The following GRIP1 variants were observed in gnomAD, a reference collection of about 807,000 sequenced individuals.
GRIP1 encodes the protein glutamate receptor-interacting protein 1.
GRIP1 carries 45 observed loss-of-function variants against 129.9 expected under a neutral mutation model. The observed-to-expected ratio is 0.35, with a 90% confidence interval of 0.27 to 0.44. The LOEUF is 0.44. GRIP1 is among the 20% of genes least tolerant of loss of function. The probability of loss-of-function intolerance (pLI) is 1.00; values close to 1 mark genes in which losing one functional copy is unlikely to be tolerated. For synonymous variants in GRIP1, 530 were observed against 520.8 expected (o/e 1.02, Z -0.24); for missense variants, 1,196 against 1,396.8 (o/e 0.86, Z 2.29).
rs745448664 is a variant in GRIP1 at position 66,392,855 on chromosome 12, C to T, written c.2130-39G>A. ...TAGTAATAGGAGAGGTAGAAATAATCCCTGTATGGTACTGAATATAAATTC... is the reference window on the plus strand; with the variant it reads ...TAGTAATAGGAGAGGTAGAAATAATTCCTGTATGGTACTGAATATAAATTC... On this transcript the variant is annotated intron_variant, in intron 17 of 24. Transcript: ENST00000359742. The T allele has an allele frequency of 8.2e-6, 13 of 1,589,278 alleles. No individual in the cohort carries two copies. In the South Asian group the frequency reaches 1.4e-4, roughly 18 times the overall value.
At chr12:66,577,057 A>G (rs1565878180) in intron 2 of GRIP1, among the ~76,000 whole-genome samples, 1 of 152,178 alleles carries the variant, frequency 6.6e-6, no homozygotes, top group South Asian at 2.1e-4. Context: ...GCTCCATGCT[A>G]AAGACCATTG....
intron 1 of GRIP1, among the ~76,000 whole-genome samples, chr12:66,739,696 T>C (rs2036725298): frequency 6.6e-6 from 1 of 151,444 alleles, no homozygotes; most frequent in African/African-American, 2.4e-5. Context: ...CACATTTACC[T>C]ATGAAACAAA....
chr12:66,867,393 A>C (rs1327585072), intron 1 of GRIP1, among the ~76,000 whole-genome samples: 1 of 152,172 alleles, frequency 6.6e-6, no homozygotes, highest in African/African-American at 2.4e-5. Context: ...AAACTTTAAA[A>C]ATTAGCATCA....
intron 1 of GRIP1, among the ~76,000 whole-genome samples, chr12:66,909,018 C>T (rs1403215265): frequency 6.6e-6 from 1 of 152,216 alleles, no homozygotes; most frequent in African/African-American, 2.4e-5. Context: ...CTTTTCAGCA[C>T]ATTCCTCAAT....
intron 1 of GRIP1, among the ~76,000 whole-genome samples, chr12:66,899,716 T>C (rs2040814078): frequency 2.0e-5 from 3 of 152,194 alleles, no homozygotes; most frequent in African/African-American, 7.2e-5. Context: ...GGGTAGATAC[T>C]AGACTTCAAT....
rs535375576 is a variant in GRIP1, at chr12:66,463,438, G to GT, written c.873-346dup. Among the ~76,000 whole-genome samples the GT allele has an allele frequency of 1.7e-3, 259 of 152,224 alleles. 2 individuals carry two copies. Among genetic ancestry groups the GT allele is most frequent in the Middle Eastern group, 6.8e-3 (2 of 294 alleles). On this transcript the variant is annotated intron_variant, in intron 8 of 24. Coordinates refer to ENST00000359742, the MANE Select transcript of GRIP1 (RefSeq NM_001366722.1). ...ATGTTTCCCCTGGACTTTTGTCTGTGTTTTTTTGTTCTAGGCTTTTCTATC... is the reference window on the plus strand; with the variant it reads ...ATGTTTCCCCTGGACTTTTGTCTGTGTTTTTTTTGTTCTAGGCTTTTCTATC...
intron 4 of GRIP1, among the ~76,000 whole-genome samples, chr12:66,533,768 A>T (rs1332742195): frequency 6.6e-6 from 1 of 152,148 alleles, no homozygotes; most frequent in African/African-American, 2.4e-5. Flanking sequence ...TATATAGACC[A>T]ATCATTTTAT....
At chr12:66,963,657 T>C (rs2041955288) in intron 1 of GRIP1, among the ~76,000 whole-genome samples, 1 of 152,174 alleles carries the variant, frequency 6.6e-6, no homozygotes. Context: ...ATTTCCTGTT[T>C]CTATTTTCTT....
chr12:66,558,442 G>A (rs2062408541), intron 2 of GRIP1, among the ~76,000 whole-genome samples: 1 of 152,122 alleles, frequency 6.6e-6, no homozygotes, highest in Non-Finnish European at 1.5e-5. Flanking sequence ...CTCCCACTGG[G>A]TCCCTCACAC....
At chr12:66,455,259 G>T in intron 11 of GRIP1, 150 bp downstream of exon 11, 1 of 762,038 alleles carries the variant, frequency 1.3e-6, no homozygotes, top group Non-Finnish European at 2.4e-6. Context: ...TCGTGTCAAC[G>T]GTCTTTGGCA....
chr12:66,596,917 G>C lies in GRIP1; in HGVS notation c.66C>G (p.Pro22=). The C allele has an allele frequency of 6.2e-7, 1 of 1,611,050 alleles. No homozygotes were observed. Among genetic ancestry groups the C allele is most frequent in the Non-Finnish European group, 8.5e-7 (1 of 1,177,214 alleles). ...ILRRLTKDES[P]YTKSASQTKP... Reference sequence around the variant, plus strand: ...TTGTCTGGCTGGCGGATTTAGTGTAGGGACTCTCATCTGCAAAGGTACAAT... The same window carrying C: ...TTGTCTGGCTGGCGGATTTAGTGTACGGACTCTCATCTGCAAAGGTACAAT... Residue 22 remains proline (P), a synonymous_variant, in exon 2 of 25, where the codon CCC becomes CCG. Transcript: ENST00000359742.
rs1292413154 is a variant in GRIP1 at position 66,592,826 on chromosome 12, C to CA, written c.136+4020dup. Among the ~76,000 whole-genome samples, 3 of 152,290 alleles carry CA rather than the reference C, an allele frequency of 2.0e-5. No individual in the cohort carries two copies. In the South Asian group the frequency reaches 6.2e-4, roughly 32 times the overall value. On this transcript the variant is annotated intron_variant, in intron 2 of 24. Coordinates refer to ENST00000359742, the MANE Select transcript of GRIP1 (RefSeq NM_001366722.1). ...GACTTGGACAAACCCTTCAAGTGGT[C>CA]AAACTTCATTTCACCAGTAATCTGT... is the stretch of plus-strand genomic sequence containing the variant.
At chr12:66,902,560 G>A (rs753760314) in intron 1 of GRIP1, among the ~76,000 whole-genome samples, 2 of 152,134 alleles carry the variant, frequency 1.3e-5, no homozygotes, top group East Asian at 1.9e-4. Flanking sequence ...AAGACAACTC[G>A]TGAAAACTGC....
intron 1 of GRIP1, among the ~76,000 whole-genome samples, chr12:66,686,884 T>C (rs892296345): frequency 3.3e-5 from 5 of 152,006 alleles, no homozygotes; most frequent in African/African-American, 7.2e-5. Context: ...TAGTGAGACC[T>C]TGTCTCTACC....
chr12:66,891,189 C>T (rs986225093), intron 1 of GRIP1, among the ~76,000 whole-genome samples: 1 of 152,108 alleles, frequency 6.6e-6, no homozygotes, highest in Admixed American at 6.6e-5. Context: ...CATATTTAGA[C>T]AAGCACTAGC....
chr12:66,813,482 T>A (rs1451154614), intron 1 of GRIP1, among the ~76,000 whole-genome samples: 1 of 152,072 alleles, frequency 6.6e-6, no homozygotes, highest in East Asian at 1.9e-4. Context: ...AAATACATCA[T>A]CAAAGTAATT....
chr12:67,027,081 C>T (rs990113625), intron 1 of GRIP1, among the ~76,000 whole-genome samples: 17 of 152,188 alleles, frequency 1.1e-4, no homozygotes, highest in African/African-American at 4.1e-4. Flanking sequence ...CTCCACCACA[C>T]AAGGCAACAG....
chr12:66,888,538 T>C (rs73126065), intron 1 of GRIP1, among the ~76,000 whole-genome samples: 9,147 of 152,248 alleles, frequency 0.06, 375 homozygotes, highest in Non-Finnish European at 0.092. Flanking sequence ...TTTCACATTA[T>C]TTTTAGTAGA....
At chr12:66,647,665 G>T (rs2032479875) in intron 1 of GRIP1, among the ~76,000 whole-genome samples, 1 of 152,166 alleles carries the variant, frequency 6.6e-6, no homozygotes, top group South Asian at 2.1e-4. Flanking sequence ...TATTAGGGAT[G>T]GAACAAACAA....
Sources: gnomAD v4.1 joint callset for allele counts (sites outside exome capture counted in the v4.1 genomes callset) on GRCh38, gnomAD v4.1.1 for gene constraint, MANE v1.5 for transcripts, NCBI Gene and HGNC (gene_info 2026-07-23, HGNC 2026-07-21) for gene names.